Variants in KLRG1 observed in about 807,000 individuals in gnomAD.
KLRG1 encodes the protein killer cell lectin like receptor G1, also known as killer cell lectin-like receptor subfamily G member 1.
KLRG1 carries 16 observed loss-of-function variants against 21.8 expected under a neutral mutation model. The ratio of observed to expected loss-of-function variants is 0.73; its 90% CI spans 0.50 to 1.11. The LOEUF is 1.11. Among genes scored for constraint, KLRG1 ranks in the 50% most tolerant of loss-of-function variants. The pLI, the probability that KLRG1 is intolerant of heterozygous loss-of-function variation, is 0.00. For synonymous variants in KLRG1, 69 were observed against 75.9 expected (o/e 0.91, Z 0.47); for missense variants, 173 against 218.3 (o/e 0.79, Z 1.31).
chr12:9,115,882 C>T, the KLRG1 span: 1 of 1,539,286 alleles, frequency 6.5e-7, no homozygotes, highest in Non-Finnish European at 9.0e-7. Context: ...GGAGAACAGA[C>T]TGTATTGTAC....
the KLRG1 span, among the ~76,000 whole-genome samples, chr12:9,108,099 GTTTATTTTAT>G: frequency 0.11 from 16,082 of 148,260 alleles, 1,008 homozygotes; most frequent in Non-Finnish European, 0.15. Flanking sequence ...AGTTTCACTT[GTTTATTTTAT>G]TTTATTTTAT....
chr12:9,013,575 C>T (rs559939704), downstream of KLRG1, among the ~76,000 whole-genome samples: 259 of 152,228 alleles, frequency 1.7e-3, no homozygotes, highest in Non-Finnish European at 2.6e-3. Flanking sequence ...TCCATGTGGC[C>T]GGAGAGGCCT....
At chr12:9,193,682 A>G in the KLRG1 span, among the ~76,000 whole-genome samples, 1 of 152,152 alleles carries the variant, frequency 6.6e-6, no homozygotes, top group Admixed American at 6.5e-5. Flanking sequence ...TAGCTAGGGA[A>G]ATCTTTTGAT....
chr12:9,003,682 G>C (rs949189029), intron 3 of KLRG1, among the ~76,000 whole-genome samples: 2 of 137,324 alleles, frequency 1.5e-5, no homozygotes, highest in Non-Finnish European at 3.3e-5. Flanking sequence ...TTTGTGTTCA[G>C]AGGGTTTTTT....
chr12:9,097,933 A>G, the KLRG1 span, among the ~76,000 whole-genome samples: 1 of 152,136 alleles, frequency 6.6e-6, no homozygotes, highest in Non-Finnish European at 1.5e-5. Context: ...GCCCAGCCAT[A>G]ATTCTTATAA....
chr12:9,175,006 C>CAATT, the KLRG1 span, among the ~76,000 whole-genome samples: 1 of 152,164 alleles, frequency 6.6e-6, no homozygotes, highest in Non-Finnish European at 1.5e-5. Context: ...ATTGCCAAGA[C>CAATT]AATTCTAAGC....
chr12:9,105,722 G>C, the KLRG1 span, among the ~76,000 whole-genome samples: 1 of 152,060 alleles, frequency 6.6e-6, no homozygotes, highest in Non-Finnish European at 1.5e-5. Flanking sequence ...CACTGTTTTA[G>C]AAATATACTT....
chr12:9,030,873 A>C, the KLRG1 span, among the ~76,000 whole-genome samples: 1 of 152,186 alleles, frequency 6.6e-6, no homozygotes, highest in Non-Finnish European at 1.5e-5. Context: ...GCTTGTAGTT[A>C]AGGCAAAGAG....
chr12:9,164,578 G>A, the KLRG1 span, among the ~76,000 whole-genome samples: 1 of 152,130 alleles, frequency 6.6e-6, no homozygotes, highest in Admixed American at 6.5e-5. Flanking sequence ...GATTTTCATA[G>A]TTTCTTCCTT....
intron 1 of KLRG1, chr12:8,950,353 C>A (rs1946175847): frequency 6.6e-6 from 1 of 152,218 alleles, no homozygotes; most frequent in African/African-American, 2.4e-5. Flanking sequence ...CCAGAGGTTA[C>A]TTCTGCAAAG....
chr12:9,181,723 TACTC>T, the KLRG1 span, among the ~76,000 whole-genome samples: 1 of 152,300 alleles, frequency 6.6e-6, no homozygotes, highest in South Asian at 2.1e-4. Context: ...GCATTTTACA[TACTC>T]ACACAACTGA....
chr12:9,075,853 A>G, the KLRG1 span, among the ~76,000 whole-genome samples: 1 of 152,144 alleles, frequency 6.6e-6, no homozygotes, highest in Non-Finnish European at 1.5e-5. Context: ...GTAATTTTCT[A>G]TTTCTTAATC....
intron 1 of KLRG1, among the ~76,000 whole-genome samples, chr12:8,974,582 GAAT>G (rs752989130): frequency 1.2e-4 from 18 of 152,144 alleles, no homozygotes; most frequent in Admixed American, 2.0e-4. Flanking sequence ...CATTATGAAT[GAAT>G]GTCAAATTTT....
At chr12:9,152,816 C>T in the KLRG1 span, 10 of 1,613,594 alleles carry the variant, frequency 6.2e-6, no homozygotes, top group Middle Eastern at 1.6e-4. Context: ...TAGGTTAGAA[C>T]GTCTTACCTG....
the KLRG1 span, among the ~76,000 whole-genome samples, chr12:9,146,816 A>G: frequency 6.6e-6 from 1 of 152,202 alleles, no homozygotes; most frequent in Non-Finnish European, 1.5e-5. Flanking sequence ...TCCCCCAGGC[A>G]GCCAGTCTGT....
rs79115761 is a variant in KLRG1, at chr12:8,997,765, A to G, written c.357+2477A>G. ...ATGGATTGAGCACTTGCTTTTTGCC[A>G]GATGTTTTATGTATAGTATTCTTTT... On this transcript the variant is annotated intron_variant, in intron 3 of 4. Transcript: ENST00000356986. 1.3e-3 allele frequency among the ~76,000 whole-genome samples: 196 copies of G among 152,160 alleles called. 1 individual carries two copies. Among genetic ancestry groups the G allele is most frequent in the African/African-American group, 4.6e-3 (191 of 41,514 alleles).
chr12:9,186,369 A>T, the KLRG1 span, among the ~76,000 whole-genome samples: 1 of 152,222 alleles, frequency 6.6e-6, no homozygotes, highest in Non-Finnish European at 1.5e-5. Context: ...CAAACAGCTA[A>T]CAACATGATG....
chr12:9,125,927 G>A, the KLRG1 span, among the ~76,000 whole-genome samples: 1 of 152,024 alleles, frequency 6.6e-6, no homozygotes, highest in African/African-American at 2.4e-5. Flanking sequence ...TAGAGACGGG[G>A]TTTCACCATA....
At chr12:9,177,172 G>A in the KLRG1 span, among the ~76,000 whole-genome samples, 1 of 152,166 alleles carries the variant, frequency 6.6e-6, no homozygotes, top group Non-Finnish European at 1.5e-5. Flanking sequence ...GGAAATGAGG[G>A]GACATGTCTT....
Sources: gnomAD v4.1 joint callset for allele counts (sites outside exome capture counted in the v4.1 genomes callset) on GRCh38, gnomAD v4.1.1 for gene constraint, MANE v1.5 for transcripts, NCBI Gene and HGNC (gene_info 2026-07-23, HGNC 2026-07-21) for gene names.